The following NDST4 variants were observed in gnomAD, a reference collection of about 807,000 sequenced individuals.
NDST4 encodes the protein N-heparan sulfate sulfotransferase 4.
Under a neutral mutation model 100.8 loss-of-function variants are expected in NDST4, and 63 were observed. The ratio of observed to expected loss-of-function variants is 0.62; its 90% CI spans 0.51 to 0.77. The LOEUF (loss-of-function observed/expected upper bound fraction) is 0.77, where lower values mean the gene tolerates loss of function less well. NDST4 is among the 30% of genes least tolerant of loss of function. NDST4 has a pLI of 0.00. For synonymous variants in NDST4, 377 were observed against 361.8 expected, an observed-to-expected ratio of 1.04 and a Z score of -0.48; for missense variants, 943 against 1,018.4, an observed-to-expected ratio of 0.93 and a Z score of 1.01.
chr4:115,002,214 T>A (rs1727306224), intron 2 of NDST4, among the ~76,000 whole-genome samples: 1 of 152,236 alleles, frequency 6.6e-6, no homozygotes, highest in Non-Finnish European at 1.5e-5. Flanking sequence ...TGAGATGGTA[T>A]CTCACTGTGG....
rs1262964196 is a variant in NDST4 at position 115,009,320 on chromosome 4, C to G, written c.979-32046G>C. Reference sequence around the variant, plus strand: ...CTACAGTAACCAAAACAGCATGGTACTGGTACCAAAACAGAGATATAGATC... The same window carrying G: ...CTACAGTAACCAAAACAGCATGGTAGTGGTACCAAAACAGAGATATAGATC... On this transcript the variant is annotated intron_variant, in intron 2 of 13. Transcript: ENST00000264363. 3.9e-5 allele frequency among the ~76,000 whole-genome samples: 5 copies of G among 128,976 alleles called. 1 individual carries two copies. Among genetic ancestry groups the G allele is most frequent in the African/African-American group, 1.5e-4 (5 of 33,952 alleles). 84.6% of individuals were successfully genotyped at this position (128,976 alleles called of 152,430 possible). A position where few individuals can be genotyped will look rare whatever the true frequency, so the allele number is the denominator to read the frequency against.
chr4:114,994,777 G>A (rs1292243561), intron 2 of NDST4, among the ~76,000 whole-genome samples: 1 of 151,704 alleles, frequency 6.6e-6, no homozygotes, highest in Non-Finnish European at 1.5e-5. Flanking sequence ...TATCCTCTTG[G>A]GTTTAAAAAA....
chr4:114,940,287 G>A (rs953883319), intron 4 of NDST4, among the ~76,000 whole-genome samples: 5 of 152,008 alleles, frequency 3.3e-5, no homozygotes, highest in Admixed American at 2.6e-4. Context: ...AGTTAGTTGC[G>A]AAATAAGATA....
At chr4:115,054,266 G>A (rs1728647274) in intron 2 of NDST4, among the ~76,000 whole-genome samples, 1 of 152,040 alleles carries the variant, frequency 6.6e-6, no homozygotes, top group South Asian at 2.1e-4. Context: ...CATGAGGCAA[G>A]CAATCACTGG....
At chr4:114,845,132 C>T (rs1002375778) in intron 10 of NDST4, among the ~76,000 whole-genome samples, 3 of 152,076 alleles carry the variant, frequency 2.0e-5, no homozygotes, top group African/African-American at 7.2e-5. Flanking sequence ...GAGTTCAAGA[C>T]CAGCCTGGGC....
chr4:114,924,930 T>C (rs1013193244), intron 6 of NDST4, among the ~76,000 whole-genome samples: 7 of 152,120 alleles, frequency 4.6e-5, no homozygotes, highest in African/African-American at 1.7e-4. Flanking sequence ...TTATACAGAA[T>C]GCATTAAATT....
intron 2 of NDST4, among the ~76,000 whole-genome samples, chr4:115,013,811 G>GCCTTT: frequency 6.6e-6 from 1 of 151,978 alleles, no homozygotes; most frequent in African/African-American, 2.4e-5. Flanking sequence ...GCCAGTGGAA[G>GCCTTT]CCACTGGAAC....
intron 2 of NDST4, among the ~76,000 whole-genome samples, chr4:115,069,756 G>A (rs530118707): frequency 4.8e-4 from 73 of 152,230 alleles, no homozygotes; most frequent in African/African-American, 1.6e-3. Flanking sequence ...GGTGGCACAC[G>A]TCTGTATTCC....
intron 8 of NDST4, among the ~76,000 whole-genome samples, chr4:114,849,290 T>C (rs544422511): frequency 6.6e-6 from 1 of 152,208 alleles, no homozygotes; most frequent in Non-Finnish European, 1.5e-5. Context: ...ATAACTCTCA[T>C]AAATCAAGAC....
chr4:114,901,785 AT>A (rs966214582), intron 6 of NDST4, among the ~76,000 whole-genome samples: 3 of 149,966 alleles, frequency 2.0e-5, no homozygotes, highest in Admixed American at 6.6e-5. Flanking sequence ...CTCTTATAGC[AT>A]TTTTCCTCCC....
intron 2 of NDST4, among the ~76,000 whole-genome samples, chr4:115,063,777 T>C (rs915581618): frequency 3.3e-5 from 5 of 151,966 alleles, no homozygotes; most frequent in African/African-American, 7.2e-5. Context: ...AGGACTCTTA[T>C]AAAAGATTGC....
In NDST4 at chr4:114,970,430, CA is replaced by C. The variant is rs1449762298; in HGVS notation, c.1220del (p.Leu407ArgfsTer48). On this transcript the variant is annotated frameshift_variant and splice_region_variant, in exon 4 of 14. Coordinates refer to ENST00000264363, the MANE Select transcript of NDST4 (RefSeq NM_022569.3). LOFTEE classifies it high-confidence loss of function. ...EQMILNKEFA[L>X]EHGIPINMGY... ...AGATACCACAATAAAATGTGCTCAC[CA>C]GTGCAAATTCCTTGTTGAGAATCAT... 1.9e-6 allele frequency: 3 copies of C among 1,611,640 alleles called. No individual in the cohort carries two copies. The African/African-American group carries it at 4.0e-5, about 22-fold the overall frequency.
intron 6 of NDST4, among the ~76,000 whole-genome samples, chr4:114,901,012 A>G (rs1235556499): frequency 7.5e-6 from 1 of 132,494 alleles, no homozygotes; most frequent in African/African-American, 3.9e-5. Flanking sequence ...ATCAGACACT[A>G]TATGATTTTT....
chr4:114,957,092 A>G (rs561142527), intron 4 of NDST4, among the ~76,000 whole-genome samples: 1 of 152,338 alleles, frequency 6.6e-6, no homozygotes, highest in South Asian at 2.1e-4. Context: ...ATCAATAGAG[A>G]TAGAAATATT....
At chr4:115,036,795 T>G (rs924814231) in intron 2 of NDST4, among the ~76,000 whole-genome samples, 1 of 151,938 alleles carries the variant, frequency 6.6e-6, no homozygotes, top group Admixed American at 6.6e-5. Flanking sequence ...GAAATCATTA[T>G]TCAATACTAC....
At chr4:114,985,743 G>A (rs1420798711) in intron 2 of NDST4, among the ~76,000 whole-genome samples, 2 of 152,096 alleles carry the variant, frequency 1.3e-5, no homozygotes, top group Non-Finnish European at 2.9e-5. Flanking sequence ...GTTAATTTTA[G>A]TACCATGCTA....
At chr4:115,027,740 C>A (rs1025588751) in intron 2 of NDST4, among the ~76,000 whole-genome samples, 4 of 151,880 alleles carry the variant, frequency 2.6e-5, no homozygotes, top group Non-Finnish European at 2.9e-5. Flanking sequence ...GAGCATTGAA[C>A]TTCTTTGGTA....
At chr4:114,886,422 C>T (rs1724478980) in intron 6 of NDST4, among the ~76,000 whole-genome samples, 1 of 152,028 alleles carries the variant, frequency 6.6e-6, no homozygotes, top group South Asian at 2.1e-4. Context: ...TAGACGGAGG[C>T]AGAAAACACT....
intron 2 of NDST4, among the ~76,000 whole-genome samples, chr4:115,044,402 G>C (rs1728421061): frequency 6.6e-6 from 1 of 152,074 alleles, no homozygotes; most frequent in African/African-American, 2.4e-5. Context: ...AAAGGGTATG[G>C]TGCATTGTGC....
Sources: gnomAD v4.1 joint callset for allele counts (sites outside exome capture counted in the v4.1 genomes callset) on GRCh38, gnomAD v4.1.1 for gene constraint, MANE v1.5 for transcripts, NCBI Gene and HGNC (gene_info 2026-07-23, HGNC 2026-07-21) for gene names.